Variants in ATP11C observed in about 807,000 individuals in gnomAD.
ATP11C encodes phospholipid-transporting ATPase IG.
ATP11C carries 36 observed loss-of-function variants against 97.4 expected under a neutral mutation model. The ratio of observed to expected loss-of-function variants is 0.37; its 90% CI spans 0.28 to 0.49. ATP11C has a LOEUF of 0.49. Among genes scored for constraint, ATP11C ranks in the 20% least tolerant of loss-of-function variants. The pLI, the probability that ATP11C is intolerant of heterozygous loss-of-function variation, is 0.98. For missense variants in ATP11C, 730 were observed against 824.6 expected, an observed-to-expected ratio of 0.89 and a Z score of 1.40; for synonymous variants, 275 against 290.9, an observed-to-expected ratio of 0.95 and a Z score of 0.56.
chrX:139,866,912 GTC>G (rs2084296744), intron 1 of ATP11C, among the ~76,000 whole-genome samples: 1 of 110,022 alleles, frequency 9.1e-6, no homozygotes, highest in Admixed American at 9.7e-5. Context: ...GCAAAGCCCT[GTC>G]TCTACAAAAA....
intron 1 of ATP11C, among the ~76,000 whole-genome samples, chrX:139,893,488 G>A (rs2084760666): frequency 8.9e-6 from 1 of 111,949 alleles, no homozygotes; most frequent in Non-Finnish European, 1.9e-5. Flanking sequence ...TTTGACACCA[G>A]GTTAAGATCA....
At chrX:139,744,965 T>C (rs1294804950) in intron 25 of ATP11C, among the ~76,000 whole-genome samples, 1 of 111,946 alleles carries the variant, frequency 8.9e-6, no homozygotes, top group Non-Finnish European at 1.9e-5. Flanking sequence ...GTATCCTCAG[T>C]AAATTCTTTT....
chrX:139,756,806 T>C (rs1191415266), intron 23 of ATP11C, among the ~76,000 whole-genome samples: 1 of 108,706 alleles, frequency 9.2e-6, no homozygotes, highest in Non-Finnish European at 1.9e-5. Context: ...CAACAGACAC[T>C]GGAGTCTACT....
chrX:139,921,364 G>A (rs144136784), intron 1 of ATP11C, among the ~76,000 whole-genome samples: 21 of 111,033 alleles, frequency 1.9e-4, no homozygotes, highest in African/African-American at 6.6e-4. Flanking sequence ...TTTCATAAGG[G>A]CCTCTTCCCC....
intron 1 of ATP11C, among the ~76,000 whole-genome samples, chrX:139,883,077 G>A (rs764912169): frequency 8.9e-6 from 1 of 111,836 alleles, no homozygotes; most frequent in Admixed American, 9.5e-5. Flanking sequence ...ACAGGGCAAA[G>A]CAGAAATTGG....
Position 139,796,404 on chromosome X carries a change from T to A in ATP11C, c.1075A>T (p.Met359Leu), listed in dbSNP as rs1339979206. 2 of 1,205,419 alleles carry A rather than the reference T, an allele frequency of 1.7e-6. No individual in the cohort carries two copies. The highest frequency in any genetic ancestry group is 2.2e-6 in the Non-Finnish European group (2 of 890,183). Residue 359 changes from methionine (M) to leucine (L), a missense_variant, in exon 12 of 30, where the codon ATG (methionine) becomes TTG (leucine). By Grantham distance (15) the Met-to-Leu change is conservative. Coordinates refer to ENST00000682941, the MANE Select transcript of ATP11C (RefSeq NM_001353812.2). Reference protein sequence around the residue: ...VLFNFIIPVSMYVTVEMQKFL... With the variant: ...VLFNFIIPVSLYVTVEMQKFL... Reference sequence around the variant, plus strand: ...TTCTGCATTTCTACTGTGACGTACATGGAGACAGGAATGATAAAGTTGAAT... The same window carrying A: ...TTCTGCATTTCTACTGTGACGTACAAGGAGACAGGAATGATAAAGTTGAAT...
chrX:139,909,456 C>T (rs1381081282), intron 1 of ATP11C, among the ~76,000 whole-genome samples: 1 of 111,196 alleles, frequency 9.0e-6, no homozygotes, highest in Non-Finnish European at 1.9e-5. Flanking sequence ...AATAACATTT[C>T]TTTCCTTCTG....
chrX:139,848,282 C>G (rs1221002321), intron 1 of ATP11C, among the ~76,000 whole-genome samples: 1 of 111,254 alleles, frequency 9.0e-6, no homozygotes, highest in Non-Finnish European at 1.9e-5. Context: ...GCAACACCCA[C>G]CCCAATCCAG....
At chrX:139,815,171 C>A (rs1272229216) in intron 4 of ATP11C, among the ~76,000 whole-genome samples, 186 bp from the exon 5 acceptor site, 1 of 111,986 alleles carries the variant, frequency 8.9e-6, no homozygotes, top group Admixed American at 9.4e-5. Context: ...TCAAAATACT[C>A]CTTAGATAAA....
intron 1 of ATP11C, among the ~76,000 whole-genome samples, chrX:139,855,878 C>CG (rs892334180): frequency 9.0e-5 from 10 of 111,643 alleles, no homozygotes; most frequent in Admixed American, 6.6e-4. Context: ...GCTTGCCCCC[C>CG]GATGTAGACC....
chrX:139,859,746 T>C (rs958258168), intron 1 of ATP11C, among the ~76,000 whole-genome samples: 5 of 112,280 alleles, frequency 4.5e-5, no homozygotes, highest in South Asian at 3.6e-4. Context: ...ATGGAACCAA[T>C]TGTTTAAAGC....
chrX:139,924,075 G>A, intron 1 of ATP11C: 1 of 373,711 alleles, frequency 2.7e-6, no homozygotes, highest in African/African-American at 2.5e-5. Context: ...TGAGTATTAG[G>A]ACTATGAGCA....
intron 20 of ATP11C, among the ~76,000 whole-genome samples, chrX:139,767,893 G>A (rs2082170383): frequency 9.0e-6 from 1 of 111,569 alleles, no homozygotes; most frequent in Non-Finnish European, 1.9e-5. Context: ...GACTACACAA[G>A]GGATGGGCCA....
rs1203290021 is a variant in ATP11C at position 139,793,921 on chromosome X, G to GCA, written c.1206+2350_1206+2351dup. Among the ~76,000 whole-genome samples the GCA allele has an allele frequency of 9.9e-5, 11 of 111,056 alleles. No individual in the cohort carries two copies. The East Asian group carries it at 2.8e-3, about 29-fold the overall frequency. ...CTTGTTTACTTCATAATAATACCTAGCACACACACACATCCCAGACAGTAA... is the reference window on the plus strand; with the variant it reads ...CTTGTTTACTTCATAATAATACCTAGCACACACACACACATCCCAGACAGTAA... On this transcript the variant is annotated intron_variant, in intron 12 of 29. Coordinates refer to ENST00000682941, the MANE Select transcript of ATP11C (RefSeq NM_001353812.2).
chrX:139,889,399 G>A (rs1043102647), intron 1 of ATP11C, among the ~76,000 whole-genome samples: 5 of 111,857 alleles, frequency 4.5e-5, no homozygotes, highest in Non-Finnish European at 7.5e-5. Context: ...ATTAGCGGTT[G>A]CCAGGGGTTG....
intron 5 of ATP11C, among the ~76,000 whole-genome samples, chrX:139,805,243 C>G (rs918582824): frequency 9.0e-6 from 1 of 111,519 alleles, no homozygotes; most frequent in African/African-American, 3.3e-5. Context: ...AAGGAAAAAC[C>G]TGAGAGAAGA....
At chrX:139,801,113 T>C (rs1724609128) in intron 7 of ATP11C, among the ~76,000 whole-genome samples, 1 of 112,545 alleles carries the variant, frequency 8.9e-6, no homozygotes, top group African/African-American at 3.2e-5. Flanking sequence ...TTCCCTGTCC[T>C]ATCATTCTCC....
intron 19 of ATP11C, among the ~76,000 whole-genome samples, chrX:139,771,029 T>C (rs1426806006): frequency 1.8e-5 from 2 of 111,455 alleles, no homozygotes; most frequent in African/African-American, 6.5e-5. Context: ...TATTAGGAGG[T>C]GGGGCCCTTG....
intron 20 of ATP11C, among the ~76,000 whole-genome samples, chrX:139,767,401 G>A (rs142893988): frequency 9.0e-6 from 1 of 111,355 alleles, no homozygotes; most frequent in East Asian, 2.8e-4. Flanking sequence ...ATATATAGAG[G>A]GAGAGGAGAA....
Sources: gnomAD v4.1 joint callset for allele counts (sites outside exome capture counted in the v4.1 genomes callset) on GRCh38, gnomAD v4.1.1 for gene constraint, MANE v1.5 for transcripts, NCBI Gene and HGNC (gene_info 2026-07-23, HGNC 2026-07-21) for gene names.